COL4A5: variants seen among roughly 807,000 people sequenced by gnomAD.
COL4A5 encodes the protein collagen type IV alpha 5 chain.
Under a neutral mutation model 130.2 loss-of-function variants are expected in COL4A5, and 26 were observed. That is an observed-to-expected ratio of 0.20 (90% confidence interval 0.15 to 0.28). The LOEUF is 0.28. Among genes scored for constraint, COL4A5 ranks in the 10% least tolerant of loss-of-function variants. The pLI is 1.00. For synonymous variants in COL4A5, 496 were observed against 439.6 expected (o/e 1.13, Z -1.60); for missense variants, 1,131 against 1,344.3 (o/e 0.84, Z 2.48).
chrX:108,481,414 C>G (rs762770586), intron 1 of COL4A5, among the ~76,000 whole-genome samples: 4 of 111,705 alleles, frequency 3.6e-5, no homozygotes, highest in African/African-American at 9.8e-5. Flanking sequence ...AGTCTGTAAA[C>G]TGGCTCAAGT....
Position 108,621,840 on chromosome X carries a change from C to T in COL4A5, c.2715C>T (p.Gly905=), listed in dbSNP as rs1178773010. The change falls in exon 32 of 53, where the codon GGC becomes GGT. Residue 905 remains glycine (G), a synonymous_variant. Transcript: ENST00000328300. Reference sequence around the variant, plus strand: ...AAATGGGTATGATGGGACCTCCAGGCCCACCAGGACCTTTGGGAATTCCTG... The same window carrying T: ...AAATGGGTATGATGGGACCTCCAGGTCCACCAGGACCTTTGGGAATTCCTG... ...KGEMGMMGPP[G]PPGPLGIPGR... 2.5e-6 allele frequency: 3 copies of T among 1,209,435 alleles called. No individual in the cohort carries two copies. The highest frequency in any genetic ancestry group is 3.4e-6 in the Non-Finnish European group (3 of 893,658).
chrX:108,644,370 A>C (rs1227527884), intron 36 of COL4A5, among the ~76,000 whole-genome samples: 1 of 112,169 alleles, frequency 8.9e-6, no homozygotes, highest in Admixed American at 9.5e-5. Flanking sequence ...TTTAAACTAT[A>C]CCTTGGAACA....
chrX:108,520,355 A>G (rs904774211), intron 1 of COL4A5, among the ~76,000 whole-genome samples: 5 of 111,644 alleles, frequency 4.5e-5, no homozygotes, highest in Non-Finnish European at 9.5e-5. Flanking sequence ...TGCCTGATAT[A>G]AATGTGTGTC....
chrX:108,580,845 T>G (rs1404273957), intron 15 of COL4A5, 107 bp downstream of exon 15: 1 of 954,961 alleles, frequency 1.0e-6, no homozygotes, highest in South Asian at 1.9e-5. Flanking sequence ...ATATCACTAC[T>G]GACATTATAA....
chrX:108,622,055 G>T (rs943760781), intron 32 of COL4A5, among the ~76,000 whole-genome samples, 163 bp downstream of exon 32: 3 of 112,769 alleles, frequency 2.7e-5, no homozygotes, highest in Non-Finnish European at 5.6e-5. Context: ...ATTTGGTTAC[G>T]TGCTTAGTTT....
intron 19 of COL4A5, among the ~76,000 whole-genome samples, chrX:108,590,210 T>C (rs919306769): frequency 1.8e-5 from 2 of 111,306 alleles, no homozygotes; most frequent in Non-Finnish European, 3.8e-5. Flanking sequence ...CATTGACAAA[T>C]TCCCAGAACT....
rs2066499544 is a variant in COL4A5, at chrX:108,595,545, C to G, written c.1460C>G (p.Thr487Ser). ...KGDTCFNCIG[T>S]GISGPPGQPG... ...GACACTTGCTTCAACTGCATTGGAACTGGTATTTCAGGGCCTCCAGGTCAA... is the reference window on the plus strand; with the variant it reads ...GACACTTGCTTCAACTGCATTGGAAGTGGTATTTCAGGGCCTCCAGGTCAA... The change falls in exon 22 of 53, where the codon ACT becomes AGT. Residue 487 changes from threonine (T) to serine (S), a missense_variant. Coordinates refer to ENST00000328300, the MANE Select transcript of COL4A5 (RefSeq NM_033380.3). 5 of 1,210,745 alleles carry G rather than the reference C, an allele frequency of 4.1e-6. No homozygotes were observed. In the African/African-American group the frequency reaches 5.2e-5, roughly 13 times the overall value.
intron 36 of COL4A5, chrX:108,626,586 T>C: frequency 9.0e-7 from 1 of 1,113,506 alleles, no homozygotes; most frequent in East Asian, 3.4e-5. Context: ...TCTATCTTAA[T>C]TTCTGGATAT....
intron 1 of COL4A5, among the ~76,000 whole-genome samples, chrX:108,469,383 G>A (rs1473068505): frequency 2.7e-5 from 3 of 109,718 alleles, no homozygotes; most frequent in Non-Finnish European, 5.7e-5. Flanking sequence ...GGGCTCAAGT[G>A]ATCCTCCTGC....
chrX:108,694,611 A>T, intron 50 of COL4A5, 196 bp from the exon 51 acceptor site: 1 of 442,641 alleles, frequency 2.3e-6, no homozygotes, highest in Non-Finnish European at 4.0e-6. Flanking sequence ...TTTTGAAAAA[A>T]GTTTACAGTT....
chrX:108,591,206 C>T lies in COL4A5; in HGVS notation c.1314C>T (p.Gly438=). 1 of 1,209,224 alleles carries T rather than the reference C, an allele frequency of 8.3e-7. No homozygotes were observed. The highest frequency in any genetic ancestry group is 3.0e-5 in the East Asian group (1 of 33,792). ...PGAPGLPGPP[G]PAGPHIPPSD... The stretch of plus-strand genomic sequence containing the variant: ...CTCCTGGGCTTCCAGGGCCTCCTGG[C>T]CCTGCTGGCCCTCACATTCCTCCTA... The change falls in exon 20 of 53, where the codon GGC becomes GGT. Residue 438 remains glycine (G), a synonymous_variant. Transcript: ENST00000328300.
intron 3 of COL4A5, 73 bp from the exon 4 acceptor site, chrX:108,563,809 A>G (rs970308840): frequency 7.9e-6 from 7 of 889,770 alleles, no homozygotes; most frequent in East Asian, 6.3e-5. Flanking sequence ...TAAATCTCCT[A>G]TTTTATAATT....
At chrX:108,571,924 G>C (rs940206855) in intron 8 of COL4A5, 87 bp downstream of exon 8, 7 of 740,941 alleles carry the variant, frequency 9.4e-6, no homozygotes, top group African/African-American at 2.1e-5. Flanking sequence ...TCAAACTTCT[G>C]TCTTAAAATC....
chrX:108,535,580 T>A (rs1191037497), intron 1 of COL4A5, among the ~76,000 whole-genome samples: 1 of 111,140 alleles, frequency 9.0e-6, no homozygotes, highest in Non-Finnish European at 1.9e-5. Flanking sequence ...AAGGGTTTTT[T>A]TTCCTGTACT....
At chrX:108,691,361 T>A (rs2068637515) in intron 49 of COL4A5, among the ~76,000 whole-genome samples, 1 of 111,692 alleles carries the variant, frequency 9.0e-6, no homozygotes, top group African/African-American at 3.2e-5. Flanking sequence ...AATGTTCATG[T>A]GCCCCATAAT....
chrX:108,531,700 GC>G (rs1368244326), intron 1 of COL4A5, among the ~76,000 whole-genome samples: 1 of 110,762 alleles, frequency 9.0e-6, no homozygotes, highest in Admixed American at 9.6e-5. Flanking sequence ...TTTGTAAACT[GC>G]TAGCTAGTCT....
chrX:108,580,031 C>T (rs1189555980), intron 13 of COL4A5, among the ~76,000 whole-genome samples: 1 of 111,663 alleles, frequency 9.0e-6, no homozygotes, highest in African/African-American at 3.3e-5. Flanking sequence ...TTTGGTTGTA[C>T]TACATGAGTA....
At chrX:108,510,663 AATAG>A (rs1441273322) in intron 1 of COL4A5, among the ~76,000 whole-genome samples, 1 of 111,497 alleles carries the variant, frequency 9.0e-6, no homozygotes, top group Non-Finnish European at 1.9e-5. Context: ...AGGAAGGAAT[AATAG>A]ATACCATTCT....
chrX:108,611,616 A>G (rs2066836716), intron 29 of COL4A5, among the ~76,000 whole-genome samples: 1 of 111,528 alleles, frequency 9.0e-6, no homozygotes, highest in Non-Finnish European at 1.9e-5. Context: ...AAGAAGAAAT[A>G]GGCAATCCAG....
Sources: allele counts gnomAD v4.1 joint callset (sites outside exome capture counted in the v4.1 genomes callset), GRCh38; gene constraint gnomAD v4.1.1; transcripts MANE v1.5; gene names NCBI Gene and HGNC (gene_info 2026-07-23, HGNC 2026-07-21).